Variants in QSOX1 observed in about 807,000 individuals in gnomAD.
The protein encoded by QSOX1 is sulfhydryl oxidase 1.
QSOX1 carries 40 observed loss-of-function variants against 76.1 expected under a neutral mutation model. That is an observed-to-expected ratio of 0.53 (90% confidence interval 0.41 to 0.68). QSOX1 has a LOEUF of 0.68. Ranked by LOEUF, QSOX1 falls within the 30% of genes least tolerant of loss-of-function variation. QSOX1 has a pLI of 0.00. For synonymous variants in QSOX1, 392 were observed against 413.1 expected, an observed-to-expected ratio of 0.95 and a Z score of 0.62; for missense variants, 931 against 974.3, an observed-to-expected ratio of 0.96 and a Z score of 0.59.
chr1:180,185,679 CT>C, intron 7 of QSOX1, among the ~76,000 whole-genome samples: 1 of 152,250 alleles, frequency 6.6e-6, no homozygotes, highest in African/African-American at 2.4e-5. Flanking sequence ...GTCTAGTGGT[CT>C]TGGCTCGGAG....
At position 180,202,181 on chromosome 1, in the gene QSOX1, A is replaced by T. The variant is rs969101588; in HGVS notation, c.*5144A>T. The stretch of plus-strand genomic sequence containing the variant: ...TGGGGGCATTGACCTTACTTAGGTG[A>T]GGAGGACTCAGGGAACATCTACAGA... On this transcript the variant is annotated 3_prime_UTR_variant, in exon 12 of 12. Coordinates refer to ENST00000367602, the MANE Select transcript of QSOX1 (RefSeq NM_002826.5). 1 of 152,272 alleles carries T rather than the reference A, an allele frequency of 6.6e-6. No individual in the cohort carries two copies. Among genetic ancestry groups the T allele is most frequent in the African/African-American group, 2.4e-5 (1 of 41,444 alleles). The allele number at this position is 152,272 out of a possible 1,614,324, so 9.4% of individuals were successfully genotyped here. A position where few individuals can be genotyped will look rare whatever the true frequency, so the allele number is the denominator to read the frequency against.
In QSOX1 at chr1:180,198,386, T is replaced by A. The variant is rs1663558941; in HGVS notation, c.*1349T>A. ...CAGAGCTGCAGGGTTGGCCACTCGG[T>A]GGGGAGGAGTCAGCCAGGATTAGAG... On this transcript the variant is annotated 3_prime_UTR_variant, in exon 12 of 12. Transcript: ENST00000367602. The A allele has an allele frequency of 2.2e-6, 1 of 456,442 alleles. No homozygotes were observed. 28.3% of individuals were successfully genotyped at this position (456,442 alleles called of 1,614,324 possible). A position where few individuals can be genotyped will look rare whatever the true frequency, so the allele number is the denominator to read the frequency against.
chr1:180,165,389 A>C (rs1199278434), intron 1 of QSOX1, among the ~76,000 whole-genome samples: 2 of 152,082 alleles, frequency 1.3e-5, no homozygotes, highest in Non-Finnish European at 2.9e-5. Context: ...CCAGGCAGAC[A>C]CTCCCAGTCT....
Position 180,182,223 on chromosome 1 carries a change from T to A in QSOX1, c.656T>A (p.Leu219Gln). 2 of 1,614,240 alleles carry A rather than the reference T, an allele frequency of 1.2e-6. No individual in the cohort carries two copies. Among genetic ancestry groups the A allele is most frequent in the Non-Finnish European group, 1.7e-6 (2 of 1,180,042 alleles). The change falls in exon 6 of 12, where the codon CTG becomes CAG. Residue 219 changes from leucine (L) to glutamine (Q), a missense_variant. Leu to Gln is a moderately radical substitution (Grantham distance 113). Transcript: ENST00000367602. ...QHKGVAVRRVLNTEANVVRKF... is the reference protein window; with the variant it reads ...QHKGVAVRRVQNTEANVVRKF... ...AAAGGCGTGGCGGTGCGCAGGGTGC[T>A]GAACACAGAGGCCAATGTGGTGAGA... is the stretch of plus-strand genomic sequence containing the variant.
chr1:180,197,153 AT>A lies in QSOX1; in HGVS notation c.*118del, dbSNP rs1663517233. 6.6e-7 allele frequency: 1 copy of A among 1,506,348 alleles called. No homozygotes were observed. The allele number at this position is 1,506,348 out of a possible 1,614,324, so 93.3% of individuals were successfully genotyped here. A position where few individuals can be genotyped will look rare whatever the true frequency, so the allele number is the denominator to read the frequency against. On this transcript the variant is annotated 3_prime_UTR_variant, in exon 12 of 12. Coordinates refer to ENST00000367602, the MANE Select transcript of QSOX1 (RefSeq NM_002826.5). ...CTTGTCTGGCCTAGAAGTGTGGGAA[AT>A]TCAGGAAAACGAGTTGCTCCAGTGA... is the stretch of plus-strand genomic sequence containing the variant.
At chr1:180,160,825 A>G (rs986619734) in intron 1 of QSOX1, among the ~76,000 whole-genome samples, 1 of 152,194 alleles carries the variant, frequency 6.6e-6, no homozygotes, top group African/African-American at 2.4e-5. Flanking sequence ...GTCCCTTGAA[A>G]TGTATATCAA....
intron 2 of QSOX1, 133 bp from the exon 3 acceptor site, chr1:180,175,188 A>T: frequency 1.2e-6 from 1 of 810,796 alleles, no homozygotes; most frequent in Non-Finnish European, 2.1e-6. Context: ...GAAAAAAGAA[A>T]CAGGCTCAAC....
intron 10 of QSOX1, among the ~76,000 whole-genome samples, chr1:180,191,465 C>T (rs1205767195): frequency 3.3e-5 from 5 of 152,184 alleles, no homozygotes; most frequent in African/African-American, 1.2e-4. Flanking sequence ...TGTGGAGCCC[C>T]GTGAATCAGA....
rs1034180361 is a variant in QSOX1 at position 180,199,534 on chromosome 1, G to C, written c.*2497G>C. ...GGAAATAAGGAGGAACGGGGGTTAC[G>C]GGCAGAGGAGAAAGCACATGCCAAG... On this transcript the variant is annotated 3_prime_UTR_variant, in exon 12 of 12. Coordinates refer to ENST00000367602, the MANE Select transcript of QSOX1 (RefSeq NM_002826.5). 6.6e-6 allele frequency: 1 copy of C among 152,154 alleles called. No homozygotes were observed. The highest frequency in any genetic ancestry group is 6.5e-5 in the Admixed American group (1 of 15,276). 9.4% of individuals were successfully genotyped at this position (152,154 alleles called of 1,614,324 possible).
chr1:180,178,618 G>A (rs1662954941), intron 4 of QSOX1, among the ~76,000 whole-genome samples, 176 bp from the exon 5 acceptor site: 1 of 152,270 alleles, frequency 6.6e-6, no homozygotes, highest in African/African-American at 2.4e-5. Context: ...GATAACAAGA[G>A]CAACATCCTT....
intron 2 of QSOX1, among the ~76,000 whole-genome samples, chr1:180,172,142 C>G (rs1662773701): frequency 6.6e-6 from 1 of 152,144 alleles, no homozygotes; most frequent in African/African-American, 2.4e-5. Context: ...GAGGGCCTCT[C>G]TTCATCCCCA....
rs201758706 is a variant in QSOX1 at position 180,175,912 on chromosome 1, C to T, written c.413-19C>T. ...CTCTGCTCTCCTGACACTCCGCTCACGCCTGTTTTCATTTACAGTGGCTGG... is the reference window on the plus strand; with the variant it reads ...CTCTGCTCTCCTGACACTCCGCTCATGCCTGTTTTCATTTACAGTGGCTGG... On this transcript the variant is annotated intron_variant, in intron 3 of 11. Transcript: ENST00000367602. 99 of 1,561,610 alleles carry T rather than the reference C, an allele frequency of 6.3e-5. No individual in the cohort carries two copies. Among genetic ancestry groups the T allele is most frequent in the African/African-American group, 5.6e-4 (42 of 74,428 alleles).
At position 180,194,253 on chromosome 1, in the gene QSOX1, G is replaced by A. The variant is rs551170724; in HGVS notation, c.1329G>A (p.Val443=). ...KEVLPAIRGY[V]HYFFGCRDCA... ...TCCTCCCAGCCATCCGAGGCTACGT[G>A]CACTACTTCTTCGGCTGCCGAGACT... The change falls in exon 11 of 12, where the codon GTG becomes GTA. Residue 443 remains valine, a synonymous_variant. Transcript: ENST00000367602. 1.2e-6 allele frequency: 2 copies of A among 1,613,360 alleles called. No homozygotes were observed. Among genetic ancestry groups the A allele is most frequent in the East Asian group, 2.2e-5 (1 of 44,852 alleles).
At chr1:180,161,920 C>T (rs1302731404) in intron 1 of QSOX1, among the ~76,000 whole-genome samples, 3 of 152,052 alleles carry the variant, frequency 2.0e-5, no homozygotes, top group Non-Finnish European at 4.4e-5. Flanking sequence ...GAGACGTTTC[C>T]GTGGATCTCC....
intron 5 of QSOX1, among the ~76,000 whole-genome samples, chr1:180,180,601 A>C (rs990449805): frequency 3.3e-5 from 5 of 152,242 alleles, no homozygotes; most frequent in Admixed American, 6.5e-5. Context: ...TGCAAGCTCC[A>C]CCTGTCAGGT....
chr1:180,157,242 T>C (rs1033412242), intron 1 of QSOX1, among the ~76,000 whole-genome samples: 1 of 152,144 alleles, frequency 6.6e-6, no homozygotes, highest in African/African-American at 2.4e-5. Flanking sequence ...CTGTGAGCCA[T>C]TGGTGTGAGT....
Position 180,197,524 on chromosome 1 carries a change from G to GTGGTCCTTCCTCCC in QSOX1, c.*487_*488insTGGTCCTTCCTCCC. 1 of 926,788 alleles carries GTGGTCCTTCCTCCC rather than the reference G, an allele frequency of 1.1e-6. No individual in the cohort carries two copies. Among genetic ancestry groups the GTGGTCCTTCCTCCC allele is most frequent in the Non-Finnish European group, 1.6e-6 (1 of 613,664 alleles). 57.4% of individuals were successfully genotyped at this position (926,788 alleles called of 1,614,324 possible). ...CAATGAAGAAGCCTTTGCACCCTGGGAGGAAGGACCACCCCGGGCCCTCTA... is the reference window on the plus strand; with the variant it reads ...CAATGAAGAAGCCTTTGCACCCTGGGTGGTCCTTCCTCCCAGGAAGGACCACCCCGGGCCCTCTA... On this transcript the variant is annotated 3_prime_UTR_variant, in exon 12 of 12. Transcript: ENST00000367602.
In QSOX1 at chr1:180,154,936, C is replaced by G. The variant is rs980913670; in HGVS notation, c.29C>G (p.Pro10Arg). 1.2e-4 allele frequency: 184 copies of G among 1,478,062 alleles called. No individual in the cohort carries two copies. The highest frequency in any genetic ancestry group is 1.6e-4 in the Non-Finnish European group (180 of 1,123,234). 91.6% of individuals were successfully genotyped at this position (1,478,062 alleles called of 1,614,324 possible). The change falls in exon 1 of 12, where the codon CCG (proline) becomes CGG (arginine). Residue 10 changes from proline (P) to arginine (R), a missense_variant. Physicochemically the swap from Pro to Arg is moderately radical, Grantham distance 103. Coordinates refer to ENST00000367602, the MANE Select transcript of QSOX1 (RefSeq NM_002826.5). Reference sequence around the variant, plus strand: ...AGGAGGTGCAACAGCGGCTCCGGGCCGCCGCCGTCGCTGCTGCTGCTGCTG... The same window carrying G: ...AGGAGGTGCAACAGCGGCTCCGGGCGGCCGCCGTCGCTGCTGCTGCTGCTG... The part of the protein sequence containing the change: MRRCNSGSG[P>R]PPSLLLLLLW...
At chr1:180,194,130 G>A in intron 10 of QSOX1, 83 bp from the exon 11 acceptor site, 26 of 1,355,748 alleles carry the variant, frequency 1.9e-5, no homozygotes, top group Non-Finnish European at 2.5e-5. Flanking sequence ...CAGGATGGGG[G>A]GCGGCAGGGT....
Sources: gnomAD v4.1 joint callset for allele counts (sites outside exome capture counted in the v4.1 genomes callset) on GRCh38, gnomAD v4.1.1 for gene constraint, MANE v1.5 for transcripts, NCBI Gene and HGNC (gene_info 2026-07-23, HGNC 2026-07-21) for gene names.